ALPL: variants seen among roughly 807,000 people sequenced by gnomAD.
ALPL encodes the protein alkaline phosphatase, tissue-nonspecific isozyme.
In ALPL, 42 loss-of-function variants were observed where a neutral mutation model predicts 51.3. The observed-to-expected ratio is 0.82, with a 90% CI of 0.64 to 1.06. The LOEUF (loss-of-function observed/expected upper bound fraction) is 1.06. Among genes scored for constraint, ALPL ranks in the 50% least tolerant of loss-of-function variants. The probability of loss-of-function intolerance (pLI) is 0.00; values close to 1 mark genes in which losing one functional copy is unlikely to be tolerated. For synonymous variants in ALPL, 279 were observed against 296.4 expected, an observed-to-expected ratio of 0.94 and a Z score of 0.60; for missense variants, 589 against 709.4, an observed-to-expected ratio of 0.83 and a Z score of 1.93.
intron 2 of ALPL, among the ~76,000 whole-genome samples, chr1:21,554,887 TTTTCTTTCTTTCTTTCTTTCTCTTTTC>T (rs1644390681): frequency 5.2e-5 from 7 of 133,362 alleles, no homozygotes; most frequent in African/African-American, 1.4e-4. Flanking sequence ...CTTTCTTTCT[TTTTCTTTCTTTCTTTCTTTCTCTTTTC>T]TTTCTTTCTT....
chr1:21,560,610 C>T lies in ALPL; in HGVS notation c.62-16C>T, dbSNP rs747854192. ...TATCCTTACCCCGCCAAGTAACTGC[C>T]TCTCTCTGTGTTTAGAGAAAGAGAA... On this transcript the variant is annotated splice_polypyrimidine_tract_variant and intron_variant, in intron 2 of 11. Coordinates refer to ENST00000374840, the MANE Select transcript of ALPL (RefSeq NM_000478.6). 1.2e-5 allele frequency: 20 copies of T among 1,613,544 alleles called. No individual in the cohort carries two copies. Among genetic ancestry groups the T allele is most frequent in the Non-Finnish European group, 1.5e-5 (18 of 1,179,830 alleles).
intron 2 of ALPL, 118 bp downstream of exon 2, chr1:21,554,260 T>A: frequency 9.1e-7 from 1 of 1,097,754 alleles, no homozygotes; most frequent in East Asian, 2.4e-5. Flanking sequence ...CTGAAAACAG[T>A]GTTCAGAGCA....
At position 21,555,578 on chromosome 1, in the gene ALPL, G is replaced by A. The variant is rs376514428; in HGVS notation, c.61+1436G>A. ...ATTACAGGCGTGCGCCGCAACACCC[G>A]GCTAATTTTTTGTATTCTTATTAGA... On this transcript the variant is annotated intron_variant, in intron 2 of 11. Coordinates refer to ENST00000374840, the MANE Select transcript of ALPL (RefSeq NM_000478.6). Among the ~76,000 whole-genome samples the A allele has an allele frequency of 5.3e-5, 8 of 151,802 alleles. 1 individual carries two copies. Among genetic ancestry groups the A allele is most frequent in the African/African-American group, 1.9e-4 (8 of 41,394 alleles).
At chr1:21,574,740 G>C (rs549073105) in intron 9 of ALPL, 1 of 152,284 alleles carries the variant, frequency 6.6e-6, no homozygotes, top group Non-Finnish European at 1.5e-5. Context: ...AGAAACCAGC[G>C]GTGGTGAGCA....
At position 21,564,669 on chromosome 1, in the gene ALPL, G is replaced by A. The variant is rs77212691; in HGVS notation, c.648+453G>A. On this transcript the variant is annotated intron_variant, in intron 6 of 11. Coordinates refer to ENST00000374840, the MANE Select transcript of ALPL (RefSeq NM_000478.6). The surrounding 1 kb of genome is among the most constrained non-coding windows in gnomAD (Gnocchi z 5.8). ...TGCCAGCTCTCGTGTTTAAACTTCC[G>A]AGTTCCAGACCTTGCCCTGCGTGTT... Among the ~76,000 whole-genome samples, 3,348 of 152,280 alleles carry A rather than the reference G, an allele frequency of 0.022. 118 individuals are homozygous for A. Among genetic ancestry groups the A allele is most frequent in the African/African-American group, 0.077 (3,206 of 41,534 alleles).
chr1:21,534,307 G>A (rs1223444913), intron 1 of ALPL, among the ~76,000 whole-genome samples: 2 of 152,220 alleles, frequency 1.3e-5, no homozygotes, highest in Non-Finnish European at 2.9e-5. Flanking sequence ...TCCGCCCTTG[G>A]CCATATGCAA....
chr1:21,576,116 G>A (rs80355619), intron 10 of ALPL, among the ~76,000 whole-genome samples, 192 bp downstream of exon 10: 1,891 of 152,170 alleles, frequency 0.012, 38 homozygotes, highest in African/African-American at 0.034. Context: ...GTGGTGGTCG[G>A]GTAGACAGGC....
chr1:21,522,102 C>A (rs997159452), intron 1 of ALPL, among the ~76,000 whole-genome samples: 2 of 144,840 alleles, frequency 1.4e-5, no homozygotes, highest in Admixed American at 7.1e-5. Flanking sequence ...GATGGAGTCT[C>A]GCTCTGTCGC....
chr1:21,555,983 G>T (rs1644408304), intron 2 of ALPL, among the ~76,000 whole-genome samples: 1 of 151,824 alleles, frequency 6.6e-6, no homozygotes, highest in South Asian at 2.1e-4. Flanking sequence ...ATGTTAGCCA[G>T]GATGGTCTCG....
intron 8 of ALPL, among the ~76,000 whole-genome samples, chr1:21,572,118 C>G (rs1217770240): frequency 6.6e-6 from 1 of 152,240 alleles, no homozygotes; most frequent in African/African-American, 2.4e-5. Context: ...TGCCACTGCA[C>G]CAGTTTGGGC....
At chr1:21,549,422 A>T (rs779525268) in intron 1 of ALPL, among the ~76,000 whole-genome samples, 5 of 151,486 alleles carry the variant, frequency 3.3e-5, no homozygotes, top group Non-Finnish European at 7.4e-5. Context: ...TCTCCACCTC[A>T]CGCCTCAAAA....
chr1:21,577,268 T>C, intron 11 of ALPL, 115 bp from the exon 12 acceptor site: 1 of 1,543,682 alleles, frequency 6.5e-7, no homozygotes, highest in Non-Finnish European at 8.9e-7. Flanking sequence ...GAGCCTCCTT[T>C]TCCTCTTCTG....
chr1:21,560,634 A>G lies in ALPL; in HGVS notation c.70A>G (p.Lys24Glu). The change falls in exon 3 of 12, where the codon AAA (lysine) becomes GAA (glutamate). Residue 24 changes from lysine to glutamate, a missense_variant. Lys to Glu is a moderately conservative substitution (Grantham distance 56). Transcript: ENST00000374840. Reference sequence around the variant, plus strand: ...CCTCTCTCTGTGTTTAGAGAAAGAGAAAGACCCCAAGTACTGGCGAGACCA... The same window carrying G: ...CCTCTCTCTGTGTTTAGAGAAAGAGGAAGACCCCAAGTACTGGCGAGACCA... Reference protein sequence around the residue: ...LTNSLVPEKEKDPKYWRDQAQ... With the variant: ...LTNSLVPEKEEDPKYWRDQAQ... 5 of 1,614,098 alleles carry G rather than the reference A, an allele frequency of 3.1e-6. No homozygotes were observed. Among genetic ancestry groups the G allele is most frequent in the Non-Finnish European group, 4.2e-6 (5 of 1,180,012 alleles).
intron 1 of ALPL, among the ~76,000 whole-genome samples, chr1:21,544,210 C>G (rs1404243614): frequency 6.6e-6 from 1 of 152,216 alleles, no homozygotes; most frequent in Non-Finnish European, 1.5e-5. Flanking sequence ...AATGGGAAAC[C>G]AATGTTAGAC....
Position 21,570,309 on chromosome 1 carries a change from C to T in ALPL, c.797C>T (p.Ser266Phe). ...WKSFKPRYKH[S>F]HFIWNRTELL... ...TGACACAGCCCTTCCTCCTAGCACT[C>T]CCACTTCATCTGGAACCGCACGGAA... is the stretch of plus-strand genomic sequence containing the variant. Residue 266 changes from serine to phenylalanine, a missense_variant, in exon 8 of 12, where the codon TCC (serine) becomes TTC (phenylalanine). Ser to Phe is a radical substitution (Grantham distance 155). Transcript: ENST00000374840. The T allele has an allele frequency of 1.2e-6, 2 of 1,614,136 alleles. No individual in the cohort carries two copies. Among genetic ancestry groups the T allele is most frequent in the Non-Finnish European group, 1.7e-6 (2 of 1,180,012 alleles).
rs200133602 is a variant in ALPL at position 21,573,763 on chromosome 1, C to T, written c.961C>T (p.Arg321Trp). The change falls in exon 9 of 12, where the codon CGG becomes TGG. Residue 321 changes from arginine to tryptophan, a missense_variant. Coordinates refer to ENST00000374840, the MANE Select transcript of ALPL (RefSeq NM_000478.6). ...GGTGGTGGTGGCCATCCAGATCCTGCGGAAGAACCCCAAAGGCTTCTTCTT... is the reference window on the plus strand; with the variant it reads ...GGTGGTGGTGGCCATCCAGATCCTGTGGAAGAACCCCAAAGGCTTCTTCTT... ...EMVVVAIQIL[R>W]KNPKGFFLLV... 8.7e-5 allele frequency: 140 copies of T among 1,614,114 alleles called. 1 individual carries two copies. The East Asian group carries it at 9.4e-4, about 11-fold the overall frequency.
Position 21,577,372 on chromosome 1 carries a change from C to G in ALPL, c.1310-11C>G. The G allele has an allele frequency of 6.2e-7, 1 of 1,613,242 alleles. No homozygotes were observed. The highest frequency in any genetic ancestry group is 8.5e-7 in the Non-Finnish European group (1 of 1,179,966). On this transcript the variant is annotated splice_polypyrimidine_tract_variant and intron_variant, in intron 11 of 11. Coordinates refer to ENST00000374840, the MANE Select transcript of ALPL (RefSeq NM_000478.6). ...GGCAGGCTCTCAGCAGGTGTTTCCC[C>G]TGGCCCACAGCTCACAACAACTACC... is the stretch of plus-strand genomic sequence containing the variant.
intron 1 of ALPL, among the ~76,000 whole-genome samples, chr1:21,533,816 G>A (rs577019338): frequency 5.9e-5 from 9 of 151,950 alleles, no homozygotes; most frequent in African/African-American, 1.9e-4. Flanking sequence ...CTGGCTACTC[G>A]GGAGGCTGAG....
At chr1:21,514,141 GC>G (rs2148053427) in intron 1 of ALPL, among the ~76,000 whole-genome samples, 1 of 152,308 alleles carries the variant, frequency 6.6e-6, no homozygotes. Context: ...AGGCGAAGGA[GC>G]TTTTTTCCTG....
Sources: gnomAD v4.1 joint callset for allele counts (sites outside exome capture counted in the v4.1 genomes callset) on GRCh38, gnomAD v4.1.1 for gene constraint, Gnocchi (gnomAD v3.1) non-coding constraint, MANE v1.5 for transcripts, NCBI Gene and HGNC (gene_info 2026-07-23, HGNC 2026-07-21) for gene names.